Variants in TASP1 observed in about 807,000 individuals in gnomAD.
TASP1 encodes threonine aspartase 1.
Under a neutral mutation model 56.6 loss-of-function variants are expected in TASP1, and 16 were observed. The observed-to-expected ratio is 0.28, with a 90% CI of 0.19 to 0.43. The LOEUF is 0.43. Among genes scored for constraint, TASP1 ranks in the 20% least tolerant of loss-of-function variants. TASP1 has a pLI of 1.00. For missense variants in TASP1, 393 were observed against 511.6 expected (o/e 0.77, Z 2.24); for synonymous variants, 179 against 184.2 (o/e 0.97, Z 0.23).
the TASP1 span, among the ~76,000 whole-genome samples, chr20:13,370,672 A>G: frequency 2.0e-5 from 3 of 152,190 alleles, no homozygotes; most frequent in Admixed American, 2.0e-4. Flanking sequence ...TTGAAGACAC[A>G]GCCTTTACAA....
the TASP1 span, among the ~76,000 whole-genome samples, chr20:13,204,437 A>C: frequency 6.6e-6 from 1 of 152,086 alleles, no homozygotes; most frequent in Non-Finnish European, 1.5e-5. Context: ...GCCTCCTTTA[A>C]TAATTTTAAC....
At chr20:13,141,060 A>G in the TASP1 span, among the ~76,000 whole-genome samples, 1 of 152,218 alleles carries the variant, frequency 6.6e-6, no homozygotes, top group Non-Finnish European at 1.5e-5. Flanking sequence ...AGGTTTAAAA[A>G]AAACAGGGAC....
chr20:13,570,703 T>A (rs1182515541), intron 6 of TASP1, among the ~76,000 whole-genome samples: 3 of 150,096 alleles, frequency 2.0e-5, no homozygotes, highest in Non-Finnish European at 3.0e-5. Flanking sequence ...AATTCTACTT[T>A]AAAAAAAAAA....
the TASP1 span, among the ~76,000 whole-genome samples, chr20:13,331,946 T>C: frequency 1.4e-3 from 207 of 152,264 alleles, no homozygotes; most frequent in Non-Finnish European, 2.9e-3. Flanking sequence ...GCAAATGGAT[T>C]AATTGACCCA....
the TASP1 span, among the ~76,000 whole-genome samples, chr20:13,316,042 T>C: frequency 6.6e-6 from 1 of 151,992 alleles, no homozygotes; most frequent in Non-Finnish European, 1.5e-5. Context: ...TCAATAAGCT[T>C]CTGCGCTGGC....
At chr20:13,191,007 C>T in the TASP1 span, among the ~76,000 whole-genome samples, 1 of 152,030 alleles carries the variant, frequency 6.6e-6, no homozygotes, top group African/African-American at 2.4e-5. Flanking sequence ...TTCAGTATCA[C>T]TAATCATCAA....
Position 13,390,394 on chromosome 20 carries a change from C to G in TASP1, c.1229G>C (p.Gly410Ala). Residue 410 changes from glycine to alanine, a missense_variant, in exon 14 of 14, where the codon GGT becomes GCT. Around this residue, in one of 3 missense-constraint regions of TASP1, gnomAD observed 293 missense variants for 354.2 expected, o/e 0.83. Coordinates refer to ENST00000337743, the MANE Select transcript of TASP1 (RefSeq NM_017714.3). ...TGGGCTCTCCAGGCGGCACACCCCA[C>G]CTTCGATTGCCACAGACTGTCCTGC... ...AVAGQSVAIE[G>A]GVCRLESPVN 6.2e-7 allele frequency: 1 copy of G among 1,614,132 alleles called. No homozygotes were observed.
intron 11 of TASP1, among the ~76,000 whole-genome samples, chr20:13,451,659 C>A (rs2043622787): frequency 6.6e-6 from 1 of 152,074 alleles, no homozygotes; most frequent in South Asian, 2.1e-4. Flanking sequence ...GGATTGGGAT[C>A]CTTAACACTG....
the TASP1 span, among the ~76,000 whole-genome samples, chr20:13,269,469 T>C: frequency 6.6e-6 from 1 of 152,250 alleles, no homozygotes; most frequent in East Asian, 1.9e-4. Context: ...TCTTTGGCTA[T>C]TCCTGTCTCT....
chr20:13,499,739 G>A (rs2043875102), intron 10 of TASP1, among the ~76,000 whole-genome samples: 1 of 146,504 alleles, frequency 6.8e-6, no homozygotes, highest in Admixed American at 6.8e-5. Context: ...AAATAATAAT[G>A]CTTGTTATTT....
At chr20:13,524,506 G>A (rs1383435132) in intron 10 of TASP1, among the ~76,000 whole-genome samples, 1 of 151,928 alleles carries the variant, frequency 6.6e-6, no homozygotes, top group East Asian at 1.9e-4. Flanking sequence ...TTGTATACCG[G>A]GCACTTACCC....
chr20:13,375,382 C>T, the TASP1 span, among the ~76,000 whole-genome samples: 14 of 152,258 alleles, frequency 9.2e-5, no homozygotes, highest in East Asian at 2.5e-3. Flanking sequence ...TGATTTCCAG[C>T]TTCATCCATA....
chr20:13,218,425 C>G, the TASP1 span, among the ~76,000 whole-genome samples: 1 of 152,000 alleles, frequency 6.6e-6, no homozygotes, highest in Non-Finnish European at 1.5e-5. Flanking sequence ...AGAAAGAAAA[C>G]TAGATACTGG....
the TASP1 span, among the ~76,000 whole-genome samples, chr20:13,312,517 G>A: frequency 3.9e-5 from 6 of 152,240 alleles, no homozygotes; most frequent in Non-Finnish European, 7.4e-5. Context: ...CACTAGACTC[G>A]GAACCATGTT....
chr20:13,196,420 G>A, the TASP1 span, among the ~76,000 whole-genome samples: 2 of 152,236 alleles, frequency 1.3e-5, no homozygotes, highest in Middle Eastern at 3.4e-3. Context: ...TAACAACCCT[G>A]CCTCAGGGCC....
chr20:13,176,389 T>C, the TASP1 span, among the ~76,000 whole-genome samples: 2 of 152,206 alleles, frequency 1.3e-5, no homozygotes, highest in Non-Finnish European at 2.9e-5. Flanking sequence ...GAGGTTTCCA[T>C]ACCTAATTTA....
At chr20:13,453,357 G>A (rs576510230) in intron 11 of TASP1, among the ~76,000 whole-genome samples, 146 of 152,194 alleles carry the variant, frequency 9.6e-4, no homozygotes, top group African/African-American at 3.4e-3. Flanking sequence ...CAAGAGAGTG[G>A]TATTGTCTTC....
At chr20:13,497,763 G>A (rs1413181701) in intron 10 of TASP1, among the ~76,000 whole-genome samples, 4 of 152,082 alleles carry the variant, frequency 2.6e-5, no homozygotes, top group African/African-American at 4.8e-5. Flanking sequence ...AACCAAAACA[G>A]TATGGTACTG....
chr20:13,341,747 G>T, the TASP1 span, among the ~76,000 whole-genome samples: 1 of 152,280 alleles, frequency 6.6e-6, no homozygotes, highest in African/African-American at 2.4e-5. Context: ...CAGATGAGTT[G>T]GTTGGTTCTT....
Sources: allele counts gnomAD v4.1 joint callset (sites outside exome capture counted in the v4.1 genomes callset), GRCh38; gene constraint gnomAD v4.1.1; regional missense constraint gnomAD v4.1.1; transcripts MANE v1.5; gene names NCBI Gene and HGNC (gene_info 2026-07-23, HGNC 2026-07-21).